Variants in KNTC1 observed in about 807,000 individuals in gnomAD.
KNTC1 encodes the protein kinetochore-associated protein 1.
A neutral mutation model predicts 314.4 loss-of-function variants in KNTC1; 253 were observed. The observed-to-expected ratio is 0.80, with a 90% CI of 0.73 to 0.89. The LOEUF (loss-of-function observed/expected upper bound fraction) is 0.89, where lower values mean the gene tolerates loss of function less well. Ranked by LOEUF, KNTC1 falls within the 40% of genes least tolerant of loss-of-function variation. KNTC1 has a pLI of 0.00. For synonymous variants in KNTC1, 901 were observed against 901.4 expected (o/e 1.00, Z 0.01); for missense variants, 2,475 against 2,572.9 (o/e 0.96, Z 0.82).
intron 24 of KNTC1, 45 bp downstream of exon 24, chr12:122,571,171 C>G: frequency 1.4e-6 from 2 of 1,421,582 alleles, no homozygotes; most frequent in Non-Finnish European, 2.0e-6. Flanking sequence ...AGTCAGTTTA[C>G]CTGAAAGGGT....
In KNTC1 at chr12:122,613,215, C is replaced by G. The variant is rs2138160705; in HGVS notation, c.5726C>G (p.Pro1909Arg). 3 of 1,590,116 alleles carry G rather than the reference C, an allele frequency of 1.9e-6. No homozygotes were observed. Among genetic ancestry groups the G allele is most frequent in the African/African-American group, 2.7e-5 (2 of 74,374 alleles). The part of the protein sequence containing the change: ...KETIESLFKK[P>R]IEEVKSYLRC... The stretch of plus-strand genomic sequence containing the variant: ...ACTATAGAATCTCTCTTTAAAAAAC[C>G]CATTGAAGAAGTGAAGTAAGTAGAA... The change falls in exon 54 of 64, where the codon CCC (proline) becomes CGC (arginine). Residue 1909 changes from proline (P) to arginine (R), a missense_variant. Coordinates refer to ENST00000333479, the MANE Select transcript of KNTC1 (RefSeq NM_014708.6).
intron 2 of KNTC1, among the ~76,000 whole-genome samples, chr12:122,533,272 T>C (rs936452659): frequency 1.3e-5 from 2 of 151,928 alleles, no homozygotes; most frequent in Non-Finnish European, 2.9e-5. Context: ...GTTCAAGTGA[T>C]TCTCGTGCCT....
At chr12:122,565,266 CAG>C (rs1212055917) in intron 20 of KNTC1, among the ~76,000 whole-genome samples, 14 of 109,204 alleles carry the variant, frequency 1.3e-4, no homozygotes, top group African/African-American at 3.6e-4. Context: ...AAAAAAAAAA[CAG>C]AGCTATTTCT....
At chr12:122,625,929 C>T (rs1874993367) in intron 63 of KNTC1, among the ~76,000 whole-genome samples, 1 of 152,092 alleles carries the variant, frequency 6.6e-6, no homozygotes, top group South Asian at 2.1e-4. Flanking sequence ...AGAATGAGCC[C>T]GCATTTTGTT....
At chr12:122,623,579 A>G (rs747119448) in intron 62 of KNTC1, among the ~76,000 whole-genome samples, 2 of 152,196 alleles carry the variant, frequency 1.3e-5, no homozygotes, top group Non-Finnish European at 2.9e-5. Flanking sequence ...GAAGTCTGCA[A>G]TTTAGTAAAT....
chr12:122,574,431 C>A, intron 27 of KNTC1, 51 bp downstream of exon 27: 1 of 1,123,234 alleles, frequency 8.9e-7, no homozygotes, highest in Non-Finnish European at 1.3e-6. Context: ...TAAATCTTTT[C>A]TGAAAGCTTT....
At chr12:122,624,266 C>CT (rs1382304669) in intron 62 of KNTC1, among the ~76,000 whole-genome samples, 1 of 129,702 alleles carries the variant, frequency 7.7e-6, no homozygotes, top group Non-Finnish European at 1.8e-5. Context: ...GCCTCTTTTT[C>CT]TTTTCTTTTC....
At position 122,538,784 on chromosome 12, in the gene KNTC1, G is replaced by T. The variant is rs560132197; in HGVS notation, c.366+330G>T. Among the ~76,000 whole-genome samples, 26 of 152,296 alleles carry T rather than the reference G, an allele frequency of 1.7e-4. No individual in the cohort carries two copies. In the East Asian group the frequency reaches 4.4e-3, roughly 26 times the overall value. On this transcript the variant is annotated intron_variant, in intron 4 of 63. Coordinates refer to ENST00000333479, the MANE Select transcript of KNTC1 (RefSeq NM_014708.6). ...TAGCTCTTGTCATTTTGAGGAAGCT[G>T]AGGTGAAAAAGGGAGTGATTTGTAG...
chr12:122,549,771 A>G lies in KNTC1; in HGVS notation c.993A>G (p.Lys331=). ...ALTASANKKM[K]NLMVYSLPTM... ...TGCTCTGCTATTTTTCTTAGATGAA[A>G]AACCTCATGGTTTATTCATTACCTA... Residue 331 remains lysine (K), a synonymous_variant, in exon 13 of 64, where the codon AAA becomes AAG. Transcript: ENST00000333479. The G allele has an allele frequency of 6.8e-7, 1 of 1,479,804 alleles. No individual in the cohort carries two copies. The highest frequency in any genetic ancestry group is 9.3e-7 in the Non-Finnish European group (1 of 1,075,322). 91.7% of individuals were successfully genotyped at this position (1,479,804 alleles called of 1,614,324 possible). A position where few individuals can be genotyped will look rare whatever the true frequency, so the allele number is the denominator to read the frequency against.
At chr12:122,559,419 G>A (rs1963829836) in intron 18 of KNTC1, among the ~76,000 whole-genome samples, 1 of 152,016 alleles carries the variant, frequency 6.6e-6, no homozygotes, top group East Asian at 1.9e-4. Context: ...CTTTTTATTG[G>A]CACATAATAT....
In KNTC1 at chr12:122,569,730, A is replaced by G. The variant is rs868441714; in HGVS notation, c.1766A>G (p.Asn589Ser). 4.3e-6 allele frequency: 7 copies of G among 1,613,734 alleles called. No individual in the cohort carries two copies. The Middle Eastern group carries it at 9.9e-4, about 228-fold the overall frequency. The change falls in exon 22 of 64, where the codon AAC becomes AGC. Residue 589 changes from asparagine to serine, a missense_variant. Asn to Ser is a conservative substitution (Grantham distance 46). Coordinates refer to ENST00000333479, the MANE Select transcript of KNTC1 (RefSeq NM_014708.6). ...FDVKMLESLL[N>S]SMSASVSLQK... ...GTGAAAATGCTGGAGAGCTTGCTCAACTCAATGTCTGCATCAGTCTCTTTG... is the reference window on the plus strand; with the variant it reads ...GTGAAAATGCTGGAGAGCTTGCTCAGCTCAATGTCTGCATCAGTCTCTTTG...
chr12:122,567,925 A>C (rs1375357804), intron 20 of KNTC1, among the ~76,000 whole-genome samples: 1 of 152,196 alleles, frequency 6.6e-6, no homozygotes. Context: ...CCAGGAATTC[A>C]AGTCCAGCCT....
Position 122,605,006 on chromosome 12 carries a change from C to T in KNTC1, c.5305C>T (p.Pro1769Ser). The T allele has an allele frequency of 1.2e-6, 2 of 1,613,248 alleles. No individual in the cohort carries two copies. The highest frequency in any genetic ancestry group is 1.1e-5 in the South Asian group (1 of 90,832). The change falls in exon 50 of 64, where the codon CCA (proline) becomes TCA (serine). Residue 1769 changes from proline to serine, a missense_variant. Transcript: ENST00000333479. ...GGAATATTTAAGAGTGATCGGAAAGCCAGCACATCTTATTGTCAGTCTCTA... is the reference window on the plus strand; with the variant it reads ...GGAATATTTAAGAGTGATCGGAAAGTCAGCACATCTTATTGTCAGTCTCTA... ...TEEYLRVIGK[P>S]AHLIVSLYEH...
rs780336011 is a variant in KNTC1 at position 122,605,023 on chromosome 12, C to T, written c.5322C>T (p.Val1774=). 4.3e-6 allele frequency: 7 copies of T among 1,613,312 alleles called. No individual in the cohort carries two copies. Among genetic ancestry groups the T allele is most frequent in the Non-Finnish European group, 5.9e-6 (7 of 1,179,654 alleles). ...RVIGKPAHLI[V]SLYEHPSINQ... is the part of the protein sequence containing the mutation. ...TCGGAAAGCCAGCACATCTTATTGT[C>T]AGTCTCTACGAACATCCTAGCATCA... is the stretch of plus-strand genomic sequence containing the variant. Residue 1774 remains valine (V), a synonymous_variant, in exon 50 of 64, where the codon GTC becomes GTT. Coordinates refer to ENST00000333479, the MANE Select transcript of KNTC1 (RefSeq NM_014708.6).
rs756883663 is a variant in KNTC1, at chr12:122,576,918, A to C, written c.2610A>C (p.Lys870Asn). 15 of 1,590,474 alleles carry C rather than the reference A, an allele frequency of 9.4e-6. No homozygotes were observed. Among genetic ancestry groups the C allele is most frequent in the African/African-American group, 1.4e-5 (1 of 73,400 alleles). Residue 870 changes from lysine (K) to asparagine (N), a missense_variant, in exon 30 of 64, where the codon AAA becomes AAC. Transcript: ENST00000333479. ...EIMRVVRYILKQDVPSSLEDA... is the reference protein window; with the variant it reads ...EIMRVVRYILNQDVPSSLEDA... Reference sequence around the variant, plus strand: ...AGAGAGTGGTTAGATACATTCTCAAACAAGATGTCCCATCTTCTTTAGAAG... The same window carrying C: ...AGAGAGTGGTTAGATACATTCTCAACCAAGATGTCCCATCTTCTTTAGAAG...
At chr12:122,580,573 C>T (rs1193090666) in intron 32 of KNTC1, 30 bp from the exon 33 acceptor site, 1 of 1,345,912 alleles carries the variant, frequency 7.4e-7, no homozygotes, top group Non-Finnish European at 1.0e-6. Context: ...ATTTGCATGT[C>T]TGCTATAACT....
Position 122,624,616 on chromosome 12 carries a change from C to T in KNTC1, c.6534C>T (p.Val2178=). 6.2e-7 allele frequency: 1 copy of T among 1,611,770 alleles called. No homozygotes were observed. Among genetic ancestry groups the T allele is most frequent in the Non-Finnish European group, 8.5e-7 (1 of 1,178,058 alleles). Residue 2178 remains valine (V), a synonymous_variant, in exon 63 of 64, where the codon GTC becomes GTT. Coordinates refer to ENST00000333479, the MANE Select transcript of KNTC1 (RefSeq NM_014708.6). ...TTTGTAGTTTAGATGAAGCTTCAGTCTTGATAACTGAATATTCAAAGCACT... is the reference window on the plus strand; with the variant it reads ...TTTGTAGTTTAGATGAAGCTTCAGTTTTGATAACTGAATATTCAAAGCACT... ...ANDLSLDEAS[V]LITEYSKHCG... is the part of the protein sequence containing the mutation.
intron 3 of KNTC1, among the ~76,000 whole-genome samples, chr12:122,537,190 G>T (rs1190423594): frequency 6.6e-6 from 1 of 152,120 alleles, no homozygotes; most frequent in African/African-American, 2.4e-5. Context: ...CCCACTCCAT[G>T]ATCTTTCCTT....
At chr12:122,620,656 C>A (rs774126844) in intron 60 of KNTC1, 48 bp downstream of exon 60, 3 of 1,595,404 alleles carry the variant, frequency 1.9e-6, no homozygotes, top group Non-Finnish European at 2.6e-6. Context: ...TAGAAGGTTT[C>A]ATCTTGCATG....
Sources: gnomAD v4.1 joint callset for allele counts (sites outside exome capture counted in the v4.1 genomes callset) on GRCh38, gnomAD v4.1.1 for gene constraint, MANE v1.5 for transcripts, NCBI Gene and HGNC (gene_info 2026-07-23, HGNC 2026-07-21) for gene names.